Variants in SCN11A observed in about 807,000 individuals in gnomAD.
SCN11A encodes sodium channel protein type 11 subunit alpha.
SCN11A carries 122 observed loss-of-function variants against 162.2 expected under a neutral mutation model. The observed-to-expected ratio is 0.75, with a 90% CI of 0.65 to 0.87. The LOEUF is 0.87. SCN11A is among the 40% of genes least tolerant of loss of function. The pLI, the probability that SCN11A is intolerant of heterozygous loss-of-function variation, is 0.00. For missense variants in SCN11A, 2,015 were observed against 2,181.6 expected (o/e 0.92, Z 1.52); for synonymous variants, 758 against 751.5 (o/e 1.01, Z -0.14).
intron 19 of SCN11A, among the ~76,000 whole-genome samples, chr3:38,891,183 C>T (rs2065493895): frequency 6.6e-6 from 1 of 151,932 alleles, no homozygotes; most frequent in African/African-American, 2.4e-5. Flanking sequence ...TGACCATATA[C>T]AATCAAATAC....
At position 38,899,478 on chromosome 3, in the gene SCN11A, C is replaced by T. The variant is rs76646309; in HGVS notation, c.2022+416G>A. ...CCATCAGCTCCCCTGCATTCCTCCC[C>T]GGCATTCTATAGTCTTTGCCCCCCT... On this transcript the variant is annotated intron_variant, in intron 17 of 29. Coordinates refer to ENST00000302328, the MANE Select transcript of SCN11A (RefSeq NM_001349253.2). 3.2e-3 allele frequency among the ~76,000 whole-genome samples: 483 copies of T among 152,282 alleles called. 3 individuals carry two copies. The highest frequency in any genetic ancestry group is 0.011 in the African/African-American group (450 of 41,558).
At chr3:38,880,966 T>C (rs987093878) in intron 22 of SCN11A, among the ~76,000 whole-genome samples, 4 of 152,102 alleles carry the variant, frequency 2.6e-5, no homozygotes, top group South Asian at 2.1e-4. Flanking sequence ...TACGTCAACA[T>C]TGAAGGCAGG....
chr3:38,864,015 T>C (rs2065005279), intron 27 of SCN11A, among the ~76,000 whole-genome samples: 1 of 152,110 alleles, frequency 6.6e-6, no homozygotes, highest in South Asian at 2.1e-4. Flanking sequence ...CTCTGTAAAC[T>C]AGAATCTCAG....
At chr3:38,938,532 ATATATATATATATATATATTTTTTTTTT>A (rs2066380769) in intron 7 of SCN11A, among the ~76,000 whole-genome samples, 1 of 18,558 alleles carries the variant, frequency 5.4e-5, no homozygotes, top group African/African-American at 2.9e-4. Context: ...ATATATATAT[ATATATATATATATATATATTTTTTTTTT>A]TTTTTTTTTT....
chr3:39,001,734 CAAACA>C (rs1456919143), intron 2 of SCN11A, among the ~76,000 whole-genome samples: 1 of 151,980 alleles, frequency 6.6e-6, no homozygotes, highest in East Asian at 1.9e-4. Context: ...AACAAACAAA[CAAACA>C]AAACACTATT....
At position 38,861,502 on chromosome 3, in the gene SCN11A, G is replaced by A. The variant is rs2064963582; in HGVS notation, c.4056+1693C>T. On this transcript the variant is annotated intron_variant, in intron 28 of 29. Transcript: ENST00000302328. ...ACCTGACTTTAAACTATACTACAAG[G>A]CCATAGTTACTGAAACAGCATGGTA... 1.3e-5 allele frequency among the ~76,000 whole-genome samples: 2 copies of A among 152,118 alleles called. 1 individual carries two copies. Among genetic ancestry groups the A allele is most frequent in the Non-Finnish European group, 2.9e-5 (2 of 68,028 alleles).
At chr3:38,974,285 G>A (rs1434334888) in intron 2 of SCN11A, among the ~76,000 whole-genome samples, 2 of 152,160 alleles carry the variant, frequency 1.3e-5, no homozygotes, top group African/African-American at 4.8e-5. Flanking sequence ...CATATATGAA[G>A]AGAAAGTTAG....
intron 2 of SCN11A, among the ~76,000 whole-genome samples, chr3:38,999,687 A>C (rs1352789117): frequency 6.6e-6 from 1 of 152,234 alleles, no homozygotes; most frequent in African/African-American, 2.4e-5. Flanking sequence ...TAATAATCAC[A>C]GTAAAAACAC....
At chr3:38,955,976 G>T (rs2066676963) in intron 3 of SCN11A, among the ~76,000 whole-genome samples, 1 of 152,178 alleles carries the variant, frequency 6.6e-6, no homozygotes, top group Non-Finnish European at 1.5e-5. Context: ...CCCGGGTATG[G>T]TGTCTCATGC....
At chr3:38,848,086 C>T (rs1188958411) in intron 29 of SCN11A, among the ~76,000 whole-genome samples, 2 of 152,178 alleles carry the variant, frequency 1.3e-5, no homozygotes, top group Non-Finnish European at 2.9e-5. Context: ...TAGGCTGAAG[C>T]TGCCCATGGA....
At chr3:38,893,207 G>A (rs2065529702) in intron 19 of SCN11A, among the ~76,000 whole-genome samples, 1 of 151,866 alleles carries the variant, frequency 6.6e-6, no homozygotes, top group Non-Finnish European at 1.5e-5. Flanking sequence ...AAAGAAGCTG[G>A]GATGACTCTA....
chr3:38,855,617 A>G lies in SCN11A; in HGVS notation c.4057-4866T>C, dbSNP rs142453563. Among the ~76,000 whole-genome samples, 12 of 152,286 alleles carry G rather than the reference A, an allele frequency of 7.9e-5. No homozygotes were observed. In the East Asian group the frequency reaches 2.3e-3, roughly 29 times the overall value. On this transcript the variant is annotated intron_variant, in intron 28 of 29. Transcript: ENST00000302328. ...GGCTGGAGGTCAACCAACTCAGGAC[A>G]TGACTGCAATTCATGACAGAATAGC...
chr3:38,907,585 A>G (rs2065820081), intron 14 of SCN11A, among the ~76,000 whole-genome samples: 1 of 152,020 alleles, frequency 6.6e-6, no homozygotes, highest in Non-Finnish European at 1.5e-5. Flanking sequence ...GAGGGAGCCC[A>G]CACTGACACA....
At position 38,885,321 on chromosome 3, in the gene SCN11A, G is replaced by A; in HGVS notation, c.3031C>T (p.Pro1011Ser). 1.2e-6 allele frequency: 2 copies of A among 1,612,896 alleles called. No individual in the cohort carries two copies. The highest frequency in any genetic ancestry group is 1.7e-6 in the Non-Finnish European group (2 of 1,178,920). Residue 1011 changes from proline (P) to serine (S), a missense_variant, in exon 21 of 30, where the codon CCC becomes TCC. Physicochemically the swap from Pro to Ser is moderately conservative, Grantham distance 74. Transcript: ENST00000302328. ...AAACATCTCTCTGGTTGCTTTTTGGGAACCATCTCAGGTAACCATCCAAAG... is the reference window on the plus strand; with the variant it reads ...AAACATCTCTCTGGTTGCTTTTTGGAAACCATCTCAGGTAACCATCCAAAG... ...DGFGWLPEMV[P>S]KKQPERCLPK...
chr3:38,974,694 C>CAAAAAAAAAAAAAAAAAAAA (rs773028321), intron 2 of SCN11A, among the ~76,000 whole-genome samples: 3 of 48,116 alleles, frequency 6.2e-5, no homozygotes, highest in Non-Finnish European at 9.4e-5. Flanking sequence ...GACTCCGTCT[C>CAAAAAAAAAAAAAAAAAAAA]AAAAAAAAAA....
chr3:39,043,897 T>C (rs2032119827), intron 1 of SCN11A, among the ~76,000 whole-genome samples: 1 of 152,140 alleles, frequency 6.6e-6, no homozygotes, highest in African/African-American at 2.4e-5. Context: ...AGGAGATGGA[T>C]ACCCAATTTT....
chr3:38,998,948 C>A (rs974416466), intron 2 of SCN11A, among the ~76,000 whole-genome samples: 3 of 151,414 alleles, frequency 2.0e-5, no homozygotes, highest in African/African-American at 7.3e-5. Context: ...AGGAGATATA[C>A]CTAATGTTAA....
chr3:38,954,265 A>ACCC lies in SCN11A; in HGVS notation c.-138-507_-138-506insGGG, dbSNP rs2066655292. ...GAATTTGTATGAATGAAGTGGGCAT[A>ACCC]TAATGAGACTCTGCTGCATTTGACT... On this transcript the variant is annotated intron_variant, in intron 3 of 29. Coordinates refer to ENST00000302328, the MANE Select transcript of SCN11A (RefSeq NM_001349253.2). Among the ~76,000 whole-genome samples the ACCC allele has an allele frequency of 3.8e-4, 58 of 152,382 alleles. No homozygotes were observed. The South Asian group carries it at 0.012, about 32-fold the overall frequency.
intron 2 of SCN11A, among the ~76,000 whole-genome samples, chr3:39,008,474 G>T (rs2031037470): frequency 6.6e-6 from 1 of 152,154 alleles, no homozygotes; most frequent in Non-Finnish European, 1.5e-5. Flanking sequence ...GGTGAAAGGA[G>T]ACACCCGGAT....
Sources: allele counts gnomAD v4.1 joint callset (sites outside exome capture counted in the v4.1 genomes callset), GRCh38; gene constraint gnomAD v4.1.1; transcripts MANE v1.5; gene names NCBI Gene and HGNC (gene_info 2026-07-23, HGNC 2026-07-21).